XIRP2: variants seen among roughly 807,000 people sequenced by gnomAD.
The protein encoded by XIRP2 is xin actin binding repeat containing 2, also known as xin actin-binding repeat-containing protein 2.
In XIRP2, 236 loss-of-function variants were observed where a neutral mutation model predicts 277.0. The ratio of observed to expected loss-of-function variants is 0.85; its 90% CI spans 0.77 to 0.95. The LOEUF (loss-of-function observed/expected upper bound fraction) is 0.95, where lower values mean the gene tolerates loss of function less well. Ranked by LOEUF, XIRP2 falls within the 40% of genes least tolerant of loss-of-function variation. The pLI, the probability that XIRP2 is intolerant of heterozygous loss-of-function variation, is 0.00. For missense variants in XIRP2, 4,640 were observed against 4,157.5 expected, an observed-to-expected ratio of 1.12 and a Z score of -3.19; for synonymous variants, 1,490 against 1,416.5, an observed-to-expected ratio of 1.05 and a Z score of -1.17.
At chr2:166,894,451 A>G (rs115222560) in intron 1 of XIRP2, among the ~76,000 whole-genome samples, 2,094 of 152,196 alleles carry the variant, frequency 0.014, 47 homozygotes, top group African/African-American at 0.045. Flanking sequence ...TCTCTTTATT[A>G]GTGTTTCTCA....
intron 3 of XIRP2, among the ~76,000 whole-genome samples, chr2:167,196,136 C>T (rs1368585793): frequency 6.6e-6 from 1 of 152,100 alleles, no homozygotes; most frequent in African/African-American, 2.4e-5. Context: ...TATTATTATA[C>T]ATTTGTCATT....
At position 167,250,155 on chromosome 2, in the gene XIRP2, A is replaced by G. The variant is rs753066799; in HGVS notation, c.8763A>G (p.Thr2921=). The G allele has an allele frequency of 6.2e-7, 1 of 1,613,588 alleles. No homozygotes were observed. Among genetic ancestry groups the G allele is most frequent in the Non-Finnish European group, 8.5e-7 (1 of 1,179,698 alleles). The change falls in exon 9 of 11, where the codon ACA becomes ACG. Residue 2921 remains threonine (T), a synonymous_variant. Coordinates refer to ENST00000409195, the MANE Select transcript of XIRP2 (RefSeq NM_152381.6). ...CTAAAGATTCAAAGCAAGAGATTAC[A>G]CAGAACAAATCTTTCTTTTCCTCTG... is the stretch of plus-strand genomic sequence containing the variant. The part of the protein sequence containing the change: ...SNTKDSKQEI[T]QNKSFFSSVK...
At chr2:166,944,833 G>C (rs1323258766) in intron 2 of XIRP2, among the ~76,000 whole-genome samples, 1 of 152,042 alleles carries the variant, frequency 6.6e-6, no homozygotes, top group Admixed American at 6.6e-5. Context: ...AAATAAATGG[G>C]GCCACATCTA....
chr2:167,112,341 G>A (rs1690781014), intron 2 of XIRP2, among the ~76,000 whole-genome samples: 1 of 151,924 alleles, frequency 6.6e-6, no homozygotes, highest in East Asian at 1.9e-4. Flanking sequence ...GTGTCCCAGA[G>A]AGTCTGGTAT....
intron 2 of XIRP2, among the ~76,000 whole-genome samples, chr2:166,938,553 G>A (rs764511966): frequency 1.3e-5 from 2 of 152,214 alleles, no homozygotes; most frequent in Non-Finnish European, 2.9e-5. Context: ...GTATGGTGCT[G>A]AGAAGAATGT....
intron 2 of XIRP2, among the ~76,000 whole-genome samples, chr2:167,114,986 T>A (rs576581797): frequency 0.013 from 1,959 of 152,222 alleles, 46 homozygotes; most frequent in African/African-American, 0.045. Context: ...GGTCAAATGG[T>A]ATTTCTAGTT....
chr2:167,159,694 A>G (rs1019833310), intron 3 of XIRP2, among the ~76,000 whole-genome samples: 1 of 152,166 alleles, frequency 6.6e-6, no homozygotes, highest in Admixed American at 6.5e-5. Flanking sequence ...AAAAACAATA[A>G]AAGGAACTTA....
At chr2:167,159,344 CT>C in intron 3 of XIRP2, among the ~76,000 whole-genome samples, 1 of 152,262 alleles carries the variant, frequency 6.6e-6, no homozygotes, top group Middle Eastern at 3.4e-3. Context: ...CAGAGAGTGG[CT>C]TTCAAGCTAA....
At chr2:166,938,786 G>A (rs915549401) in intron 2 of XIRP2, among the ~76,000 whole-genome samples, 9 of 152,214 alleles carry the variant, frequency 5.9e-5, no homozygotes, top group Non-Finnish European at 1.3e-4. Flanking sequence ...CTCCTGTATT[G>A]GGTGCATATA....
At chr2:167,142,874 TAA>T (rs1691760548) in intron 3 of XIRP2, among the ~76,000 whole-genome samples, 1 of 151,476 alleles carries the variant, frequency 6.6e-6, no homozygotes, top group Non-Finnish European at 1.5e-5. Flanking sequence ...AGGGCATGGC[TAA>T]AAGAAACTCA....
In XIRP2 at chr2:167,014,856, A is replaced by G. The variant is rs1313348878; in HGVS notation, c.408+110966A>G. ...GGTTAAATCACTTGCTTAAGGTTAC[A>G]TGGCTAATAAGTAATGGGGCTGGGA... On this transcript the variant is annotated intron_variant, in intron 2 of 10. Coordinates refer to ENST00000409195, the MANE Select transcript of XIRP2 (RefSeq NM_152381.6). 2.0e-5 allele frequency among the ~76,000 whole-genome samples: 3 copies of G among 151,938 alleles called. No homozygotes were observed. In the East Asian group the frequency reaches 5.8e-4, roughly 30 times the overall value.
At chr2:167,135,682 A>G (rs1286419932) in intron 2 of XIRP2, among the ~76,000 whole-genome samples, 4 of 152,134 alleles carry the variant, frequency 2.6e-5, no homozygotes, top group Admixed American at 2.6e-4. Flanking sequence ...ACATGAAAGG[A>G]AGGCTAATTC....
chr2:167,103,578 T>C (rs1400526027), intron 2 of XIRP2, among the ~76,000 whole-genome samples: 1 of 152,174 alleles, frequency 6.6e-6, no homozygotes, highest in Non-Finnish European at 1.5e-5. Context: ...TTAACCAATC[T>C]GCGGCAATGC....
intron 2 of XIRP2, among the ~76,000 whole-genome samples, chr2:167,100,677 C>T (rs1338110975): frequency 6.6e-6 from 1 of 152,216 alleles, no homozygotes; most frequent in Non-Finnish European, 1.5e-5. Context: ...AGCAAGTAAG[C>T]ATCTTGCCTG....
At chr2:166,951,020 C>T (rs1686013975) in intron 2 of XIRP2, among the ~76,000 whole-genome samples, 1 of 151,952 alleles carries the variant, frequency 6.6e-6, no homozygotes, top group Non-Finnish European at 1.5e-5. Flanking sequence ...GACAAAATAT[C>T]TAGCATTTTG....
At chr2:167,087,432 G>GAGGC (rs1270764118) in intron 2 of XIRP2, among the ~76,000 whole-genome samples, 1 of 152,162 alleles carries the variant, frequency 6.6e-6, no homozygotes, top group Non-Finnish European at 1.5e-5. Flanking sequence ...GGAGCCTACA[G>GAGGC]AGGCAGGCAG....
intron 2 of XIRP2, among the ~76,000 whole-genome samples, chr2:167,103,661 T>G (rs536591519): frequency 6.6e-6 from 1 of 152,298 alleles, no homozygotes; most frequent in African/African-American, 2.4e-5. Flanking sequence ...TCTTTATACT[T>G]TGGTTCTACA....
chr2:166,924,424 G>T (rs1313708415), intron 2 of XIRP2, among the ~76,000 whole-genome samples: 1 of 151,918 alleles, frequency 6.6e-6, no homozygotes, highest in East Asian at 1.9e-4. Context: ...ACATGGATCA[G>T]CTTTATTTGC....
At chr2:167,039,716 C>T (rs1688611633) in intron 2 of XIRP2, among the ~76,000 whole-genome samples, 1 of 152,098 alleles carries the variant, frequency 6.6e-6, no homozygotes, top group Admixed American at 6.5e-5. Context: ...CTATTTGTGC[C>T]CTTTTCCTCT....
Sources: allele counts gnomAD v4.1 joint callset (sites outside exome capture counted in the v4.1 genomes callset), GRCh38; gene constraint gnomAD v4.1.1; transcripts MANE v1.5; gene names NCBI Gene and HGNC (gene_info 2026-07-23, HGNC 2026-07-21).